LAMA1: variants seen among roughly 807,000 people sequenced by gnomAD.
The protein encoded by LAMA1 is laminin subunit alpha 1, also known as laminin subunit alpha-1.
In LAMA1, 219 loss-of-function variants were observed where a neutral mutation model predicts 348.7. The observed-to-expected ratio is 0.63, with a 90% confidence interval of 0.56 to 0.70. The LOEUF (loss-of-function observed/expected upper bound fraction) is 0.70, where lower values mean the gene tolerates loss of function less well. LAMA1 is among the 30% of genes least tolerant of loss of function. The pLI is 0.00. For synonymous variants in LAMA1, 1,487 were observed against 1,491.0 expected (o/e 1.00, Z 0.06); for missense variants, 3,744 against 3,888.0 (o/e 0.96, Z 0.99).
At chr18:7,093,798 A>C (rs2058249457) in intron 1 of LAMA1, among the ~76,000 whole-genome samples, 1 of 142,686 alleles carries the variant, frequency 7.0e-6, no homozygotes, top group Non-Finnish European at 1.5e-5. Flanking sequence ...TTTTTTTCAG[A>C]CAATCTCTCT....
intron 29 of LAMA1, among the ~76,000 whole-genome samples, chr18:7,004,427 A>T (rs996698688): frequency 2.8e-4 from 43 of 152,004 alleles, no homozygotes; most frequent in Admixed American, 1.0e-3. Context: ...ATCTCAGCTC[A>T]CCGCAACCTC....
At chr18:7,066,639 T>C (rs937078262) in intron 3 of LAMA1, among the ~76,000 whole-genome samples, 4 of 152,328 alleles carry the variant, frequency 2.6e-5, no homozygotes, top group Non-Finnish European at 4.4e-5. Flanking sequence ...CCCAAAGATA[T>C]GTCCAGTACA....
At chr18:6,953,395 T>C (rs2143983994) in intron 57 of LAMA1, among the ~76,000 whole-genome samples, 1 of 152,392 alleles carries the variant, frequency 6.6e-6, no homozygotes, top group East Asian at 1.9e-4. Flanking sequence ...TTTATTATTA[T>C]TGTTAATCTC....
chr18:7,064,496 T>G (rs1332354047), intron 3 of LAMA1, among the ~76,000 whole-genome samples: 1 of 152,166 alleles, frequency 6.6e-6, no homozygotes, highest in African/African-American at 2.4e-5. Context: ...CTTACTGAGC[T>G]CTGGCAAGGC....
intron 3 of LAMA1, among the ~76,000 whole-genome samples, chr18:7,056,199 G>C: frequency 6.6e-6 from 1 of 152,134 alleles, no homozygotes; most frequent in East Asian, 1.9e-4. Context: ...CATCATAAAA[G>C]TTGAACTCAA....
chr18:7,005,993 T>A (rs2057830240), intron 29 of LAMA1, among the ~76,000 whole-genome samples: 1 of 152,132 alleles, frequency 6.6e-6, no homozygotes, highest in African/African-American at 2.4e-5. Flanking sequence ...ACACCCAGGA[T>A]CTCCGAGGCT....
intron 36 of LAMA1, among the ~76,000 whole-genome samples, chr18:6,988,155 C>T (rs567952): frequency 0.51 from 77,722 of 151,944 alleles, 20,272 homozygotes; most frequent in East Asian, 0.68. Context: ...GCCAAATTTT[C>T]ATCTACAAGA....
chr18:7,078,381 T>A (rs189758227), intron 3 of LAMA1, among the ~76,000 whole-genome samples: 58 of 151,696 alleles, frequency 3.8e-4, no homozygotes, highest in African/African-American at 1.3e-3. Context: ...TTAGCCAGGA[T>A]GGTCTCGATC....
chr18:7,004,306 G>C (rs1219626214), intron 29 of LAMA1, among the ~76,000 whole-genome samples: 1 of 152,294 alleles, frequency 6.6e-6, no homozygotes, highest in African/African-American at 2.4e-5. Flanking sequence ...CCAGGCTACC[G>C]CCCTTGTCCT....
At position 6,942,133 on chromosome 18, in the gene LAMA1, T is replaced by G; in HGVS notation, c.9174A>C (p.Arg3058Ser). 1.2e-6 allele frequency: 2 copies of G among 1,614,164 alleles called. No individual in the cohort carries two copies. Among genetic ancestry groups the G allele is most frequent in the Non-Finnish European group, 8.5e-7 (1 of 1,180,036 alleles). The change falls in exon 63 of 63, where the codon AGA becomes AGC. Residue 3058 changes from arginine (R) to serine (S), a missense_variant. Physicochemically the swap from Arg to Ser is moderately radical, Grantham distance 110. Around this residue, in one of 3 missense-constraint regions of LAMA1, gnomAD observed 232 missense variants for 264.4 expected, o/e 0.88. Transcript: ENST00000389658. ...GGAAAACTCCGTGCAGTTCGAACGC[T>G]CTGCTGAAGTCAAAGGACTGCACCT... ...SPQVQSFDFS[R>S]AFELHGVFLH...
rs149526649 is a variant in LAMA1 at position 7,076,217 on chromosome 18, A to T, written c.345+3758T>A. On this transcript the variant is annotated intron_variant, in intron 3 of 62. Coordinates refer to ENST00000389658, the MANE Select transcript of LAMA1 (RefSeq NM_005559.4). ...AGGTGTAGCCATGCTGTAGATCTGAATGTCAGTGAGATCTAAGAAACAATG... is the reference window on the plus strand; with the variant it reads ...AGGTGTAGCCATGCTGTAGATCTGATTGTCAGTGAGATCTAAGAAACAATG... Among the ~76,000 whole-genome samples, 44 of 152,296 alleles carry T rather than the reference A, an allele frequency of 2.9e-4. 1 individual carries two copies. The East Asian group carries it at 8.3e-3, about 29-fold the overall frequency.
At chr18:7,087,803 T>C (rs2058223591) in intron 1 of LAMA1, among the ~76,000 whole-genome samples, 3 of 152,162 alleles carry the variant, frequency 2.0e-5, no homozygotes. Flanking sequence ...GGCCGAGGGC[T>C]TTACCTCCCA....
At chr18:7,057,480 T>C (rs1234424451) in intron 3 of LAMA1, among the ~76,000 whole-genome samples, 9 of 143,986 alleles carry the variant, frequency 6.3e-5, no homozygotes, top group African/African-American at 2.0e-4. Flanking sequence ...TCTTTTTTTT[T>C]TTTTTTTTTT....
intron 10 of LAMA1, among the ~76,000 whole-genome samples, chr18:7,039,767 G>A (rs369094865): frequency 6.6e-6 from 1 of 152,168 alleles, no homozygotes; most frequent in East Asian, 1.9e-4. Flanking sequence ...AAAGAAAACA[G>A]AGATGAGGCC....
intron 3 of LAMA1, among the ~76,000 whole-genome samples, chr18:7,059,109 C>G (rs1175122596): frequency 6.6e-6 from 1 of 152,136 alleles, no homozygotes; most frequent in Non-Finnish European, 1.5e-5. Context: ...AGGATGGTCT[C>G]GAACTCCTAA....
rs757164755 is a variant in LAMA1 at position 6,980,630 on chromosome 18, T to C, written c.5898A>G (p.Ala1966=). 3.1e-6 allele frequency: 5 copies of C among 1,595,770 alleles called. No individual in the cohort carries two copies. The highest frequency in any genetic ancestry group is 4.5e-5 in the East Asian group (2 of 44,782). Residue 1966 remains alanine, a synonymous_variant, in exon 42 of 63, where the codon GCA becomes GCG. Transcript: ENST00000389658. ...NNLSRKLPGI[A]LELSELRNKT... is the part of the protein sequence containing the mutation. ...TATTTCTCAATTCACTCAGTTCCAA[T>C]GCAATACCTATTTAAAGGGAGAAAA...
rs140681784 is a variant in LAMA1 at position 7,014,015 on chromosome 18, G to A, written c.3163C>T (p.Arg1055Trp). 1.7e-5 allele frequency: 28 copies of A among 1,613,918 alleles called. No homozygotes were observed. The East Asian group carries it at 3.1e-4, about 18-fold the overall frequency. ...NCSLVGSTHHRCDVVTGHCQC... is the reference protein window; with the variant it reads ...NCSLVGSTHHWCDVVTGHCQC... ...CAATGGCCGGTGACCACATCGCACC[G>A]ATGATGAGTCGACCCCACGAGACTG... The change falls in exon 23 of 63, where the codon CGG (arginine) becomes TGG (tryptophan). Residue 1055 changes from arginine to tryptophan, a missense_variant. Coordinates refer to ENST00000389658, the MANE Select transcript of LAMA1 (RefSeq NM_005559.4).
chr18:7,039,050 C>T (rs2058009197), intron 10 of LAMA1, 100 bp from the exon 11 acceptor site: 5 of 974,756 alleles, frequency 5.1e-6, no homozygotes, highest in Non-Finnish European at 8.3e-6. Flanking sequence ...TCCACAGAGA[C>T]AGGTGAATAA....
intron 23 of LAMA1, 102 bp from the exon 24 acceptor site, chr18:7,012,240 T>G: frequency 7.9e-7 from 1 of 1,262,476 alleles, no homozygotes; most frequent in Non-Finnish European, 1.1e-6. Flanking sequence ...TTAAACATAA[T>G]TATAGATGCA....
Sources: gnomAD v4.1 joint callset for allele counts (sites outside exome capture counted in the v4.1 genomes callset) on GRCh38, gnomAD v4.1.1 for gene constraint, gnomAD v4.1.1 regional missense constraint, MANE v1.5 for transcripts, NCBI Gene and HGNC (gene_info 2026-07-23, HGNC 2026-07-21) for gene names.